Variants in MAP3K15 observed in about 807,000 individuals in gnomAD.
MAP3K15 encodes MAPK/ERK kinase kinase 15.
In MAP3K15, 124 loss-of-function variants were observed where a neutral mutation model predicts 99.5. The ratio of observed to expected loss-of-function variants is 1.25; its 90% CI spans 1.08 to 1.45. The LOEUF (loss-of-function observed/expected upper bound fraction) is 1.45, where lower values mean the gene tolerates loss of function less well. MAP3K15 is among the 40% of genes most tolerant of loss of function. MAP3K15 has a pLI of 0.00. For missense variants in MAP3K15, 1,242 were observed against 1,079.7 expected (o/e 1.15, Z -2.11); for synonymous variants, 494 against 439.6 (o/e 1.12, Z -1.55).
intron 3 of MAP3K15, among the ~76,000 whole-genome samples, chrX:19,466,404 T>C (rs1443401555): frequency 1.8e-5 from 2 of 111,376 alleles, no homozygotes; most frequent in Middle Eastern, 4.6e-3. Flanking sequence ...GTTTCTCCCA[T>C]GCTGTTCTCC....
Position 19,443,920 on chromosome X carries a change from C to T in MAP3K15, c.996-12312G>A, listed in dbSNP as rs1316754526. Among the ~76,000 whole-genome samples, 19 of 111,531 alleles carry T rather than the reference C, an allele frequency of 1.7e-4. No homozygotes were observed. In the Admixed American group the frequency reaches 1.8e-3, roughly 11 times the overall value. On this transcript the variant is annotated intron_variant, in intron 6 of 28. Transcript: ENST00000338883. ...TGGCTTTCCAGATTCTAGCTCCTCC[C>T]AAGAAGCCTTCCCCCAAATACCCAA...
chrX:19,441,847 T>C (rs907807824), intron 6 of MAP3K15, among the ~76,000 whole-genome samples: 1 of 111,688 alleles, frequency 9.0e-6, no homozygotes, highest in African/African-American at 3.3e-5. Context: ...GTCACCATGC[T>C]CTTTTCCTAT....
At chrX:19,420,716 C>G (rs1260974070) in intron 9 of MAP3K15, among the ~76,000 whole-genome samples, 2 of 111,688 alleles carry the variant, frequency 1.8e-5, no homozygotes, top group African/African-American at 6.5e-5. Context: ...CAAAGCCTGG[C>G]AGAGACACAA....
intron 13 of MAP3K15, among the ~76,000 whole-genome samples, chrX:19,401,202 T>C (rs1368390241): frequency 9.4e-6 from 1 of 106,775 alleles, no homozygotes; most frequent in African/African-American, 3.4e-5. Context: ...CTCTTTTTCT[T>C]TTTTTTTTTA....
Position 19,413,235 on chromosome X carries a change from A to G in MAP3K15, c.1698+122T>C, listed in dbSNP as rs1602284684. On this transcript the variant is annotated intron_variant, in intron 11 of 28. Coordinates refer to ENST00000338883, the MANE Select transcript of MAP3K15 (RefSeq NM_001001671.4). ...AACCTACTGTCTCTCATCTGTGATG[A>G]TACTCTCTCATATATTCTCATAATT... The G allele has an allele frequency of 6.0e-6, 3 of 501,570 alleles. No individual in the cohort carries two copies. In the East Asian group the frequency reaches 1.1e-4, roughly 18 times the overall value. 41.3% of individuals were successfully genotyped at this position (501,570 alleles called of 1,213,427 possible).
intron 15 of MAP3K15, among the ~76,000 whole-genome samples, chrX:19,397,511 C>A (rs1316140508): frequency 9.0e-6 from 1 of 111,256 alleles, no homozygotes; most frequent in Non-Finnish European, 1.9e-5. Flanking sequence ...GCTCCTCAGG[C>A]GGCTGAAGTG....
chrX:19,514,853 G>C, intron 1 of MAP3K15, 48 bp downstream of exon 1: 3 of 853,830 alleles, frequency 3.5e-6, no homozygotes, highest in Non-Finnish European at 4.7e-6. Context: ...CCTGGCTCGT[G>C]TGAGGGTAGG....
chrX:19,428,293 C>A (rs1018386710), intron 7 of MAP3K15, among the ~76,000 whole-genome samples: 2 of 112,036 alleles, frequency 1.8e-5, no homozygotes, highest in African/African-American at 6.5e-5. Context: ...TCTGAAGCCG[C>A]TGGAGAAAAA....
At chrX:19,419,297 T>G (rs1033286731) in intron 9 of MAP3K15, among the ~76,000 whole-genome samples, 5 of 110,388 alleles carry the variant, frequency 4.5e-5, no homozygotes, top group Admixed American at 9.7e-5. Context: ...GAAACCCATC[T>G]CACGTGCAGA....
chrX:19,495,010 G>T (rs1283891261), intron 1 of MAP3K15, among the ~76,000 whole-genome samples: 1 of 110,491 alleles, frequency 9.1e-6, no homozygotes, highest in Non-Finnish European at 1.9e-5. Flanking sequence ...AAGTTGTGAA[G>T]TGTTTTGTTT....
intron 19 of MAP3K15, among the ~76,000 whole-genome samples, chrX:19,378,816 G>A (rs1037976417): frequency 4.2e-4 from 47 of 111,691 alleles, no homozygotes; most frequent in African/African-American, 1.4e-3. Context: ...GCTGCTCGGC[G>A]GTAAAACCCC....
intron 11 of MAP3K15, among the ~76,000 whole-genome samples, chrX:19,412,895 C>T (rs975749783): frequency 2.8e-5 from 3 of 108,829 alleles, no homozygotes; most frequent in Admixed American, 9.9e-5. Context: ...CCACCACACC[C>T]GGCTAATTTT....
chrX:19,370,688 C>T (rs1383037031), intron 24 of MAP3K15, among the ~76,000 whole-genome samples: 1 of 111,381 alleles, frequency 9.0e-6, no homozygotes, highest in Non-Finnish European at 1.9e-5. Context: ...TGAGCCACCG[C>T]GTCCGGCCCC....
intron 17 of MAP3K15, 103 bp downstream of exon 17, chrX:19,392,240 A>G (rs1407757703): frequency 9.4e-7 from 1 of 1,059,908 alleles, no homozygotes; most frequent in Non-Finnish European, 1.3e-6. Flanking sequence ...CGGTTGTGCT[A>G]AATCATACCC....
chrX:19,493,116 G>C (rs946211847), intron 1 of MAP3K15, among the ~76,000 whole-genome samples: 4 of 110,556 alleles, frequency 3.6e-5, no homozygotes, highest in African/African-American at 1.3e-4. Flanking sequence ...ATAGCGGAAC[G>C]GGGCAGAAGG....
At chrX:19,437,919 G>C (rs1012255925) in intron 6 of MAP3K15, among the ~76,000 whole-genome samples, 11 of 111,728 alleles carry the variant, frequency 9.8e-5, no homozygotes, top group African/African-American at 3.6e-4. Flanking sequence ...TAAAAACTCT[G>C]CAGTATGACA....
rs113385166 is a variant in MAP3K15, at chrX:19,451,654, TA to T, written c.995+5258del. ...ATCTTATACGCATTAGGGCAGCTAATAAAAAAAAAAAGGAAAACAGAAAATA... is the reference window on the plus strand; with the variant it reads ...ATCTTATACGCATTAGGGCAGCTAATAAAAAAAAAAGGAAAACAGAAAATA... On this transcript the variant is annotated intron_variant, in intron 6 of 28. Transcript: ENST00000338883. Among the ~76,000 whole-genome samples, 313 of 97,104 alleles carry T rather than the reference TA, an allele frequency of 3.2e-3. 3 individuals are homozygous for T. Among genetic ancestry groups the T allele is most frequent in the African/African-American group, 9.4e-3 (252 of 26,716 alleles). 84.3% of individuals were successfully genotyped at this position (97,104 alleles called of 115,157 possible). A position where few individuals can be genotyped will look rare whatever the true frequency, so the allele number is the denominator to read the frequency against.
At chrX:19,470,566 A>G (rs970108270) in intron 3 of MAP3K15, among the ~76,000 whole-genome samples, 3 of 108,681 alleles carry the variant, frequency 2.8e-5, no homozygotes, top group African/African-American at 1.0e-4. Context: ...AAAAGAAGTG[A>G]CATCAGAGGC....
chrX:19,429,481 G>A (rs1178494464), intron 7 of MAP3K15, among the ~76,000 whole-genome samples: 1 of 110,250 alleles, frequency 9.1e-6, no homozygotes, highest in African/African-American at 3.3e-5. Context: ...GACCTAGGAG[G>A]GTAGAGAATA....
Sources: allele counts gnomAD v4.1 joint callset (sites outside exome capture counted in the v4.1 genomes callset), GRCh38; gene constraint gnomAD v4.1.1; transcripts MANE v1.5; gene names NCBI Gene and HGNC (gene_info 2026-07-23, HGNC 2026-07-21).